PTPRN2: variants seen among roughly 807,000 people sequenced by gnomAD.
PTPRN2 encodes the protein receptor-type tyrosine-protein phosphatase N2.
PTPRN2 carries 74 observed loss-of-function variants against 118.8 expected under a neutral mutation model. That is an observed-to-expected ratio of 0.62 (90% CI 0.52 to 0.76). PTPRN2 has a LOEUF of 0.76. Among genes scored for constraint, PTPRN2 ranks in the 30% least tolerant of loss-of-function variants. The pLI is 0.00. For missense variants in PTPRN2, 1,481 were observed against 1,394.4 expected, an observed-to-expected ratio of 1.06 and a Z score of -0.99; for synonymous variants, 641 against 608.0, an observed-to-expected ratio of 1.05 and a Z score of -0.80.
At chr7:158,186,717 C>G (rs1171550417) in intron 5 of PTPRN2, among the ~76,000 whole-genome samples, 1 of 152,332 alleles carries the variant, frequency 6.6e-6, no homozygotes, top group South Asian at 2.1e-4. Flanking sequence ...CCACCTGCCC[C>G]CTCTGGCATG....
chr7:158,536,662 T>TAA (rs1825664142), intron 1 of PTPRN2, among the ~76,000 whole-genome samples: 1 of 122,216 alleles, frequency 8.2e-6, no homozygotes, highest in African/African-American at 3.2e-5. Flanking sequence ...AGCCCACCAT[T>TAA]GACAAAACAA....
At chr7:158,246,247 A>G (rs1387776504) in intron 3 of PTPRN2, among the ~76,000 whole-genome samples, 1 of 151,962 alleles carries the variant, frequency 6.6e-6, no homozygotes, top group Non-Finnish European at 1.5e-5. Context: ...TCACTTGAAA[A>G]AACTCATCAC....
intron 3 of PTPRN2, among the ~76,000 whole-genome samples, chr7:158,256,886 G>T (rs974697836): frequency 6.6e-6 from 1 of 152,130 alleles, no homozygotes; most frequent in Admixed American, 6.5e-5. Context: ...CTAAACTTAT[G>T]CAAAAAGAAA....
At chr7:158,417,264 T>C (rs1434451354) in intron 2 of PTPRN2, among the ~76,000 whole-genome samples, 1 of 151,788 alleles carries the variant, frequency 6.6e-6, no homozygotes, top group Non-Finnish European at 1.5e-5. Context: ...AGTCATGGTG[T>C]ACTACATCGA....
At chr7:157,839,230 A>G (rs1358225846) in intron 12 of PTPRN2, among the ~76,000 whole-genome samples, 1 of 152,270 alleles carries the variant, frequency 6.6e-6, no homozygotes, top group Non-Finnish European at 1.5e-5. Context: ...TGACTGAAGC[A>G]TGTATAGTCG....
intron 21 of PTPRN2, among the ~76,000 whole-genome samples, chr7:157,561,191 C>A (rs1323801735): frequency 6.6e-6 from 1 of 152,182 alleles, no homozygotes; most frequent in Non-Finnish European, 1.5e-5. Flanking sequence ...TGGTTCTGCA[C>A]TGCCCAGCCA....
chr7:157,588,722 G>C (rs1453197921), intron 17 of PTPRN2, among the ~76,000 whole-genome samples: 14 of 152,306 alleles, frequency 9.2e-5, no homozygotes, highest in Non-Finnish European at 1.5e-5. Context: ...CGAGGTCACT[G>C]CTGCCGGATC....
At chr7:158,371,519 T>C (rs1007756598) in intron 2 of PTPRN2, among the ~76,000 whole-genome samples, 1 of 152,120 alleles carries the variant, frequency 6.6e-6, no homozygotes, top group African/African-American at 2.4e-5. Context: ...GAGGCATATT[T>C]TCCTACACAA....
At position 157,565,874 on chromosome 7, in the gene PTPRN2, G is replaced by A. The variant is rs1316505885; in HGVS notation, c.2902+3028C>T. On this transcript the variant is annotated intron_variant, in intron 21 of 22. Transcript: ENST00000389418. ...CGTCTATTATCGGTGAGTTAGAAACGCATCTGCTGCCACAGAAATGACACG... is the reference window on the plus strand; with the variant it reads ...CGTCTATTATCGGTGAGTTAGAAACACATCTGCTGCCACAGAAATGACACG... Among the ~76,000 whole-genome samples, 4 of 152,180 alleles carry A rather than the reference G, an allele frequency of 2.6e-5. No homozygotes were observed. The East Asian group carries it at 5.8e-4, about 22-fold the overall frequency.
At chr7:158,386,628 C>T (rs1811407128) in intron 2 of PTPRN2, among the ~76,000 whole-genome samples, 2 of 152,196 alleles carry the variant, frequency 1.3e-5, no homozygotes, top group Non-Finnish European at 2.9e-5. Context: ...TGTCGATCAT[C>T]CAAATGCCCA....
At chr7:158,442,581 T>C (rs1314271446) in intron 2 of PTPRN2, among the ~76,000 whole-genome samples, 1 of 152,170 alleles carries the variant, frequency 6.6e-6, no homozygotes, top group African/African-American at 2.4e-5. Flanking sequence ...CAGGATTCCA[T>C]TTTTGTTATG....
intron 2 of PTPRN2, among the ~76,000 whole-genome samples, chr7:158,359,827 G>C (rs888412150): frequency 6.6e-6 from 1 of 152,118 alleles, no homozygotes; most frequent in South Asian, 2.1e-4. Flanking sequence ...AGGCATTCCT[G>C]ATGGAATGGC....
At chr7:158,119,356 A>G (rs78886356) in intron 9 of PTPRN2, among the ~76,000 whole-genome samples, 2,130 of 152,316 alleles carry the variant, frequency 0.014, 51 homozygotes, top group African/African-American at 0.048. Context: ...GGCCACTGTA[A>G]GAAGAAAAAA....
intron 10 of PTPRN2, among the ~76,000 whole-genome samples, chr7:158,087,136 G>C (rs1813484923): frequency 6.6e-6 from 1 of 152,236 alleles, no homozygotes. Context: ...GCCCTGCTCA[G>C]TCAGGAGGGG....
At chr7:158,190,723 C>G (rs575171345) in intron 5 of PTPRN2, among the ~76,000 whole-genome samples, 7 of 152,382 alleles carry the variant, frequency 4.6e-5, no homozygotes, top group African/African-American at 1.4e-4. Context: ...CCACTGGGCC[C>G]TCCTGAGCAG....
chr7:158,566,771 A>G (rs1459953738), intron 1 of PTPRN2, among the ~76,000 whole-genome samples: 2 of 152,162 alleles, frequency 1.3e-5, no homozygotes, highest in Non-Finnish European at 2.9e-5. Flanking sequence ...GCTGGAGTGC[A>G]GTGGCACAAT....
At chr7:157,805,004 C>A (rs894878083) in intron 12 of PTPRN2, among the ~76,000 whole-genome samples, 1 of 152,206 alleles carries the variant, frequency 6.6e-6, no homozygotes, top group African/African-American at 2.4e-5. Context: ...GGATGCGCTG[C>A]CTCAGCGTGG....
In PTPRN2 at chr7:158,022,274, G is replaced by A. The variant is rs1330821667; in HGVS notation, c.1723+59024C>T. 2.6e-5 allele frequency among the ~76,000 whole-genome samples: 4 copies of A among 152,152 alleles called. No homozygotes were observed. Among genetic ancestry groups the A allele is most frequent in the Non-Finnish European group, 4.4e-5 (3 of 68,026 alleles). On this transcript the variant is annotated intron_variant, in intron 11 of 22. Transcript: ENST00000389418. This position sits in a 1 kb window ranked among gnomAD's most constrained non-coding sequence, Gnocchi z 4.6. ...GCTGACCCTACAGCATGATGACTCC[G>A]TTTCCTACACGGTTCCGAGCGTTTT...
At chr7:158,489,217 G>A (rs1821252067) in intron 2 of PTPRN2, among the ~76,000 whole-genome samples, 1 of 152,130 alleles carries the variant, frequency 6.6e-6, no homozygotes, top group Admixed American at 6.5e-5. Flanking sequence ...AGGCCGAGGC[G>A]GGTGGATCAC....
Sources: gnomAD v4.1 joint callset for allele counts (sites outside exome capture counted in the v4.1 genomes callset) on GRCh38, gnomAD v4.1.1 for gene constraint, Gnocchi (gnomAD v3.1) non-coding constraint, MANE v1.5 for transcripts, NCBI Gene and HGNC (gene_info 2026-07-23, HGNC 2026-07-21) for gene names.